The following RBBP6 variants were observed in gnomAD, a reference collection of about 807,000 sequenced individuals.
The protein encoded by RBBP6 is RB binding protein 6, ubiquitin ligase.
In RBBP6, 25 loss-of-function variants were observed where a neutral mutation model predicts 167.7. That is an observed-to-expected ratio of 0.15 (90% CI 0.11 to 0.21). The LOEUF is 0.21. Ranked by LOEUF, RBBP6 falls within the 10% of genes least tolerant of loss-of-function variation. RBBP6 has a pLI of 1.00. For synonymous variants in RBBP6, 789 were observed against 735.8 expected, an observed-to-expected ratio of 1.07 and a Z score of -1.17; for missense variants, 1,868 against 2,134.2, an observed-to-expected ratio of 0.88 and a Z score of 2.46.
rs755466404 is a variant in RBBP6, at chr16:24,540,401, C to T, written c.-226C>T. 7 of 431,980 alleles carry T rather than the reference C, an allele frequency of 1.6e-5. No homozygotes were observed. The highest frequency in any genetic ancestry group is 7.3e-5 in the South Asian group (2 of 27,578). 26.8% of individuals were successfully genotyped at this position (431,980 alleles called of 1,614,324 possible). A position where few individuals can be genotyped will look rare whatever the true frequency, so the allele number is the denominator to read the frequency against. ...CTCGATTTCCCCTCTTCCCCGTCCT[C>T]GTCCTCCTCCTCCCCCATGAAGTGA... On this transcript the variant is annotated 5_prime_UTR_variant, in exon 1 of 18. Coordinates refer to ENST00000319715, the MANE Select transcript of RBBP6 (RefSeq NM_006910.5).
At position 24,571,176 on chromosome 16, in the gene RBBP6, C is replaced by G; in HGVS notation, c.4110C>G (p.Ser1370=). 1 of 1,613,524 alleles carries G rather than the reference C, an allele frequency of 6.2e-7. No individual in the cohort carries two copies. Among genetic ancestry groups the G allele is most frequent in the Non-Finnish European group, 8.5e-7 (1 of 1,179,706 alleles). The change falls in exon 18 of 18, where the codon TCC becomes TCG. Residue 1370 remains serine, a synonymous_variant. Transcript: ENST00000319715. ...ATCCTGAGAAAGAAAGTGAGCCATC[C>G]GAGAAAATTCAGAAATTCACCAAGG... ...VKYPEKESEP[S]EKIQKFTKDV... is the part of the protein sequence containing the mutation.
At chr16:24,548,553 A>G (rs8049497) in intron 2 of RBBP6, among the ~76,000 whole-genome samples, 41,404 of 152,052 alleles carry the variant, frequency 0.27, 5,710 homozygotes, top group Admixed American at 0.34. Flanking sequence ...TAACAACAGC[A>G]GTCTTCCTGA....
At chr16:24,548,274 T>G (rs1271584525) in intron 2 of RBBP6, among the ~76,000 whole-genome samples, 1 of 152,052 alleles carries the variant, frequency 6.6e-6, no homozygotes, top group Non-Finnish European at 1.5e-5. Flanking sequence ...ACTAAAATAC[T>G]CTGATTATAT....
At chr16:24,561,773 C>A in intron 9 of RBBP6, 51 bp from the exon 10 acceptor site, 1 of 1,605,212 alleles carries the variant, frequency 6.2e-7, no homozygotes. Context: ...AACTGTACTT[C>A]AGTGAATACT....
Position 24,570,193 on chromosome 16 carries a change from C to G in RBBP6, c.3503C>G (p.Ser1168Trp), listed in dbSNP as rs748441167. 1.9e-6 allele frequency: 3 copies of G among 1,601,534 alleles called. No homozygotes were observed. In the South Asian group the frequency reaches 3.4e-5, roughly 18 times the overall value. The part of the protein sequence containing the change: ...KDFESSSMKI[S>W]KLEVTEIVKP... ...TTTGAGTCTTCTTCAATGAAAATCTCGAAACTAGAAGTGACTGAAATAGTG... is the reference window on the plus strand; with the variant it reads ...TTTGAGTCTTCTTCAATGAAAATCTGGAAACTAGAAGTGACTGAAATAGTG... Residue 1168 changes from serine to tryptophan, a missense_variant, in exon 17 of 18, where the codon TCG (serine) becomes TGG (tryptophan). Transcript: ENST00000319715.
intron 1 of RBBP6, 49 bp downstream of exon 1, chr16:24,540,841 A>T: frequency 6.3e-7 from 1 of 1,575,302 alleles, no homozygotes. Flanking sequence ...GAGAGATACT[A>T]GCTAGAAGGT....
rs1181908760 is a variant in RBBP6, at chr16:24,569,867, TAAAA to T, written c.3180_3183del (p.Lys1061ProfsTer49). 6.2e-7 allele frequency: 1 copy of T among 1,610,148 alleles called. No homozygotes were observed. ...GATCTCCTCGATCTGAACCTCCAAT[TAAAA>T]AAGCCAAAGAGGAGACTCCGAAGAC... is the stretch of plus-strand genomic sequence containing the variant. On this transcript the variant is annotated frameshift_variant, in exon 17 of 18. Transcript: ENST00000319715. LOFTEE classifies it high-confidence loss of function.
intron 8 of RBBP6, among the ~76,000 whole-genome samples, chr16:24,560,539 T>C (rs183341039): frequency 5.3e-5 from 8 of 152,378 alleles, no homozygotes; most frequent in Admixed American, 2.6e-4. Flanking sequence ...CAGTGTTACC[T>C]GAAAATTTGC....
chr16:24,559,902 T>A (rs1899006452), intron 8 of RBBP6: 1 of 305,660 alleles, frequency 3.3e-6, no homozygotes, highest in Admixed American at 5.1e-5. Context: ...TGTACCTTCA[T>A]CAGGGTGACT....
chr16:24,560,015 A>AT (rs1189877060), intron 8 of RBBP6, among the ~76,000 whole-genome samples: 1 of 151,302 alleles, frequency 6.6e-6, no homozygotes, highest in Non-Finnish European at 1.5e-5. Flanking sequence ...TTCTGGAAAT[A>AT]TTTTTAAGTG....
At position 24,563,498 on chromosome 16, in the gene RBBP6, A is replaced by T; in HGVS notation, c.1462A>T (p.Thr488Ser). Residue 488 changes from threonine to serine, a missense_variant, in exon 12 of 18, where the codon ACT (threonine) becomes TCT (serine). Around this residue, in one of 7 missense-constraint regions of RBBP6, gnomAD observed 245 missense variants for 240.1 expected, o/e 1.02. Transcript: ENST00000319715. ...SLLHGQLIPT[T>S]GPVRINTARP... Reference sequence around the variant, plus strand: ...ATTGCATGGACAGTTGATCCCCACAACTGGTGAGTAAGATCACTTTGGTTT... The same window carrying T: ...ATTGCATGGACAGTTGATCCCCACATCTGGTGAGTAAGATCACTTTGGTTT... The T allele has an allele frequency of 6.2e-7, 1 of 1,612,850 alleles. No homozygotes were observed. Among genetic ancestry groups the T allele is most frequent in the Non-Finnish European group, 8.5e-7 (1 of 1,179,696 alleles).
chr16:24,560,405 A>G (rs1229025362), intron 8 of RBBP6, among the ~76,000 whole-genome samples: 1 of 152,130 alleles, frequency 6.6e-6, no homozygotes, highest in Non-Finnish European at 1.5e-5. Context: ...CGCGCCCGAC[A>G]TCTGTAGACA....
intron 1 of RBBP6, among the ~76,000 whole-genome samples, chr16:24,541,228 A>T (rs1006110050): frequency 2.6e-5 from 4 of 151,386 alleles, no homozygotes; most frequent in Admixed American, 6.6e-5. Context: ...TTCTAACCTA[A>T]CAACATTGTG....
intron 1 of RBBP6, among the ~76,000 whole-genome samples, chr16:24,545,104 A>G (rs1348072914): frequency 6.6e-6 from 1 of 152,024 alleles, no homozygotes; most frequent in African/African-American, 2.4e-5. Context: ...TTTGAGACAG[A>G]GTCTTGCTCT....
intron 17 of RBBP6, 90 bp downstream of exon 17, chr16:24,570,589 T>C (rs1450414846): frequency 8.5e-7 from 1 of 1,182,142 alleles, no homozygotes; most frequent in African/African-American, 1.5e-5. Flanking sequence ...ATATTAATTA[T>C]GAATGCTGAT....
rs7593 is a variant in RBBP6 at position 24,572,085 on chromosome 16, A to G, written c.5019A>G (p.Ala1673=). ...TGAAAGATAAAATAGTGGAGAAAGCAAAAGAGAGCCTGGACACAGCAGCAG... is the reference window on the plus strand; with the variant it reads ...TGAAAGATAAAATAGTGGAGAAAGCGAAAGAGAGCCTGGACACAGCAGCAG... ...KDLKDKIVEK[A]KESLDTAAVV... The change falls in exon 18 of 18, where the codon GCA becomes GCG. Residue 1673 remains alanine (A), a synonymous_variant. Transcript: ENST00000319715. 622,274 of 1,613,662 alleles carry G rather than the reference A, an allele frequency of 0.39. 123,125 individuals carry two copies. The highest frequency in any genetic ancestry group is 0.41 in the South Asian group (37,107 of 91,062).
At position 24,569,619 on chromosome 16, in the gene RBBP6, C is replaced by G; in HGVS notation, c.2929C>G (p.Leu977Val). Residue 977 changes from leucine (L) to valine (V), a missense_variant, in exon 17 of 18, where the codon CTC becomes GTC. By Grantham distance (32) the Leu-to-Val change is conservative. Transcript: ENST00000319715. ...AAATAAAACAGACTCATTGTTTGTT[C>G]TCCCAAGTAGAGATGATGCCACACC... is the stretch of plus-strand genomic sequence containing the variant. Reference protein sequence around the residue: ...EENKTDSLFVLPSRDDATPVR... With the variant: ...EENKTDSLFVVPSRDDATPVR... 1 of 1,611,698 alleles carries G rather than the reference C, an allele frequency of 6.2e-7. No individual in the cohort carries two copies. The highest frequency in any genetic ancestry group is 8.5e-7 in the Non-Finnish European group (1 of 1,179,428).
In RBBP6 at chr16:24,569,025, C is replaced by G; in HGVS notation, c.2335C>G (p.Gln779Glu). Residue 779 changes from glutamine to glutamate, a missense_variant, in exon 17 of 18, where the codon CAG becomes GAG. Gln to Glu is a conservative substitution (Grantham distance 29, BLOSUM62 2). Around this residue, in one of 7 missense-constraint regions of RBBP6, gnomAD observed 673 missense variants for 691.5 expected, o/e 0.97. Transcript: ENST00000319715. Reference sequence around the variant, plus strand: ...AAGATCTCCTCAAGCGTTTAGGGGACAGTCTCCTAATAAACGTAATGTACC... The same window carrying G: ...AAGATCTCCTCAAGCGTTTAGGGGAGAGTCTCCTAATAAACGTAATGTACC... ...RSRSPQAFRG[Q>E]SPNKRNVPQG... is the part of the protein sequence containing the mutation. 6.2e-7 allele frequency: 1 copy of G among 1,614,148 alleles called. No individual in the cohort carries two copies. Among genetic ancestry groups the G allele is most frequent in the Non-Finnish European group, 8.5e-7 (1 of 1,180,018 alleles).
At chr16:24,548,819 A>C in intron 2 of RBBP6, 126 bp from the exon 3 acceptor site, 1 of 740,244 alleles carries the variant, frequency 1.4e-6, no homozygotes, top group South Asian at 1.9e-5. Context: ...ATTGGCTGTT[A>C]AATATTTATA....
Sources: allele counts gnomAD v4.1 joint callset (sites outside exome capture counted in the v4.1 genomes callset), GRCh38; gene constraint gnomAD v4.1.1; regional missense constraint gnomAD v4.1.1; transcripts MANE v1.5; gene names NCBI Gene and HGNC (gene_info 2026-07-23, HGNC 2026-07-21).